The following ME1 variants were observed in gnomAD, a reference collection of about 807,000 sequenced individuals.
The protein encoded by ME1 is NADP-dependent malic enzyme.
Under a neutral mutation model 66.4 loss-of-function variants are expected in ME1, and 74 were observed. The ratio of observed to expected loss-of-function variants is 1.11; its 90% confidence interval spans 0.92 to 1.35. The LOEUF is 1.35. ME1 is among the 40% of genes most tolerant of loss of function. The pLI is 0.00. For missense variants in ME1, 750 were observed against 694.1 expected (o/e 1.08, Z -0.90); for synonymous variants, 251 against 235.6 (o/e 1.07, Z -0.60).
At position 83,425,686 on chromosome 6, in the gene ME1, T is replaced by C. The variant is rs369106216; in HGVS notation, c.78+5191A>G. Among the ~76,000 whole-genome samples, 20 of 152,232 alleles carry C rather than the reference T, an allele frequency of 1.3e-4. No individual in the cohort carries two copies. The East Asian group carries it at 3.3e-3, about 25-fold the overall frequency. On this transcript the variant is annotated intron_variant, in intron 1 of 13. Transcript: ENST00000369705. ...ACTACAATTCAAGATGAGATTTGGG[T>C]AGGAACACAGACAAACCATATCAAA...
chr6:83,224,912 A>G (rs1245768877), intron 11 of ME1, among the ~76,000 whole-genome samples: 1 of 151,424 alleles, frequency 6.6e-6, no homozygotes, highest in Non-Finnish European at 1.5e-5. Flanking sequence ...TTAAAAAGGC[A>G]TGAACTTGGC....
At chr6:83,315,015 AGTCACTG>A (rs1189674257) in intron 6 of ME1, among the ~76,000 whole-genome samples, 1 of 152,172 alleles carries the variant, frequency 6.6e-6, no homozygotes, top group African/African-American at 2.4e-5. Context: ...CAGGTAATTT[AGTCACTG>A]GTCACTGCCT....
chr6:83,375,527 T>C lies in ME1; in HGVS notation c.362+22840A>G, dbSNP rs150959913. 6.5e-3 allele frequency among the ~76,000 whole-genome samples: 994 copies of C among 152,292 alleles called. 10 individuals are homozygous for C. The highest frequency in any genetic ancestry group is 0.023 in the African/African-American group (943 of 41,560). The stretch of plus-strand genomic sequence containing the variant: ...TTGGGGTTTTCTAGATATAGGATCA[T>C]GTCATCTGCAAACAGAGACAGTTTG... On this transcript the variant is annotated intron_variant, in intron 3 of 13. Coordinates refer to ENST00000369705, the MANE Select transcript of ME1 (RefSeq NM_002395.6).
rs57683304 is a variant in ME1, at chr6:83,388,091, CT to C, written c.362+10275del. ...TCTTCCTTCTTTCCTTCCTTCCTTCCTTTTTTTTTTTGGACAGGATCTCACT... is the reference window on the plus strand; with the variant it reads ...TCTTCCTTCTTTCCTTCCTTCCTTCCTTTTTTTTTTGGACAGGATCTCACT... On this transcript the variant is annotated intron_variant, in intron 3 of 13. Transcript: ENST00000369705. Among the ~76,000 whole-genome samples the C allele has an allele frequency of 1.8e-3, 236 of 133,298 alleles. 4 individuals carry two copies. The highest frequency in any genetic ancestry group is 9.1e-4 in the Admixed American group (11 of 12,082). The allele number at this position is 133,298 out of a possible 152,430, so 87.4% of individuals were successfully genotyped here.
chr6:83,414,230 G>C (rs1231756587), intron 1 of ME1, among the ~76,000 whole-genome samples: 2 of 150,248 alleles, frequency 1.3e-5, no homozygotes, highest in Non-Finnish European at 3.0e-5. Flanking sequence ...GTTTACATCA[G>C]AAAATAATCA....
chr6:83,217,266 A>G (rs1475405871), intron 12 of ME1, among the ~76,000 whole-genome samples: 2 of 152,188 alleles, frequency 1.3e-5, no homozygotes, highest in Non-Finnish European at 2.9e-5. Flanking sequence ...TTAAATTTCT[A>G]GATGGGGGCA....
chr6:83,219,789 TG>T lies in ME1; in HGVS notation c.1450-3194del, dbSNP rs1348413244. ...TTTTAGCAGAGATAGGGTTTCACCA[TG>T]TTGGCCAGGCTGGTCTCAAACTCCT... On this transcript the variant is annotated intron_variant, in intron 12 of 13. Transcript: ENST00000369705. Among the ~76,000 whole-genome samples the T allele has an allele frequency of 2.7e-5, 4 of 150,640 alleles. No homozygotes were observed. The East Asian group carries it at 7.9e-4, about 30-fold the overall frequency.
intron 2 of ME1, among the ~76,000 whole-genome samples, chr6:83,400,790 G>C (rs1583418378): frequency 6.6e-6 from 1 of 152,114 alleles, no homozygotes; most frequent in Non-Finnish European, 1.5e-5. Flanking sequence ...GTCTTTAATA[G>C]GCTACAAAGC....
intron 7 of ME1, among the ~76,000 whole-genome samples, chr6:83,240,709 A>C (rs1443770294): frequency 6.6e-6 from 1 of 152,190 alleles, no homozygotes; most frequent in African/African-American, 2.4e-5. Flanking sequence ...TGGTTAAAAC[A>C]AAGATTAGAC....
intron 3 of ME1, among the ~76,000 whole-genome samples, chr6:83,362,839 G>A (rs1000622371): frequency 6.6e-6 from 1 of 152,168 alleles, no homozygotes; most frequent in African/African-American, 2.4e-5. Flanking sequence ...ACACAGCATT[G>A]CCTCTAACAA....
At chr6:83,243,142 T>G (rs2128526407) in intron 7 of ME1, among the ~76,000 whole-genome samples, 1 of 151,424 alleles carries the variant, frequency 6.6e-6, no homozygotes, top group South Asian at 2.1e-4. Flanking sequence ...GGTACATGCC[T>G]GTATTCCTAG....
chr6:83,357,384 G>A (rs1768910083), intron 3 of ME1, among the ~76,000 whole-genome samples: 1 of 152,096 alleles, frequency 6.6e-6, no homozygotes. Flanking sequence ...ATCAGTATGG[G>A]CTCATAGTTT....
chr6:83,373,134 C>T (rs775988243), intron 3 of ME1, among the ~76,000 whole-genome samples: 57 of 151,976 alleles, frequency 3.8e-4, no homozygotes, highest in Non-Finnish European at 4.7e-4. Context: ...TGTTAAATAA[C>T]CCTCATATTA....
At chr6:83,313,821 A>T (rs558004521) in intron 6 of ME1, among the ~76,000 whole-genome samples, 2 of 152,246 alleles carry the variant, frequency 1.3e-5, no homozygotes, top group East Asian at 3.9e-4. Flanking sequence ...AAATAATTAC[A>T]ATAAATAAAT....
intron 3 of ME1, among the ~76,000 whole-genome samples, chr6:83,370,551 G>C (rs1769175941): frequency 6.6e-6 from 1 of 152,022 alleles, no homozygotes; most frequent in Non-Finnish European, 1.5e-5. Flanking sequence ...AAGTACCAAA[G>C]GCTTGCCAAA....
chr6:83,236,588 T>C lies in ME1; in HGVS notation c.1026+1129A>G, dbSNP rs557549942. Among the ~76,000 whole-genome samples the C allele has an allele frequency of 1.9e-4, 29 of 152,312 alleles. No homozygotes were observed. The East Asian group carries it at 5.2e-3, about 27-fold the overall frequency. On this transcript the variant is annotated intron_variant, in intron 9 of 13. Transcript: ENST00000369705. ...GTATTAATAATGCCTTATAACTATA[T>C]AGCAATATGGCCACAAACCTAATTT...
At chr6:83,315,288 T>C in intron 6 of ME1, 22 bp downstream of exon 6, 1 of 1,406,412 alleles carries the variant, frequency 7.1e-7, no homozygotes, top group South Asian at 1.2e-5. Flanking sequence ...GACTAAAATA[T>C]AGGTTAAATA....
In ME1 at chr6:83,382,309, G is replaced by A. The variant is rs7755260; in HGVS notation, c.362+16058C>T. 6.3e-3 allele frequency among the ~76,000 whole-genome samples: 952 copies of A among 152,068 alleles called. 9 individuals are homozygous for A. Among genetic ancestry groups the A allele is most frequent in the African/African-American group, 0.022 (909 of 41,502 alleles). On this transcript the variant is annotated intron_variant, in intron 3 of 13. Transcript: ENST00000369705. ...GTAAAGTGCCTGGCATGCAGTGGAC[G>A]CTCAATAAATTTCTGGTAAAGGAAG...
At chr6:83,407,741 T>C (rs1268200329) in intron 2 of ME1, 27 bp downstream of exon 2, 3 of 1,543,034 alleles carry the variant, frequency 1.9e-6, no homozygotes, top group South Asian at 1.3e-5. Flanking sequence ...AAGAGAAATA[T>C]AAAAACCACC....
Sources: allele counts gnomAD v4.1 joint callset (sites outside exome capture counted in the v4.1 genomes callset), GRCh38; gene constraint gnomAD v4.1.1; transcripts MANE v1.5; gene names NCBI Gene and HGNC (gene_info 2026-07-23, HGNC 2026-07-21).